The following MYO9B variants were observed in gnomAD, a reference collection of about 807,000 sequenced individuals.
The protein encoded by MYO9B is myosin IXB, also known as unconventional myosin-IXb.
A neutral mutation model predicts 229.5 loss-of-function variants in MYO9B; 71 were observed. The ratio of observed to expected loss-of-function variants is 0.31; its 90% confidence interval spans 0.26 to 0.38. MYO9B has a LOEUF of 0.38. Ranked by LOEUF, MYO9B falls within the 10% of genes least tolerant of loss-of-function variation. The pLI, the probability that MYO9B is intolerant of heterozygous loss-of-function variation, is 1.00. For synonymous variants in MYO9B, 1,185 were observed against 1,235.8 expected (o/e 0.96, Z 0.86); for missense variants, 2,255 against 2,920.5 (o/e 0.77, Z 5.25).
chr19:17,145,663 T>C (rs1486990421), intron 3 of MYO9B, among the ~76,000 whole-genome samples, 172 bp downstream of exon 3: 7 of 151,980 alleles, frequency 4.6e-5, no homozygotes, highest in Admixed American at 4.6e-4. Context: ...GAACAGTAGG[T>C]TGAAGTAGGA....
At chr19:17,090,118 CTTTTTTTTTTTTTTTTTTTTTTTTTTT>C (rs59440394) in intron 1 of MYO9B, among the ~76,000 whole-genome samples, 20 of 49,234 alleles carry the variant, frequency 4.1e-4, no homozygotes, top group South Asian at 1.7e-3. Context: ...TGCTTCCTTC[CTTTTTTTTTTTTTTTTTTTTTTTTTTT>C]TTTTTTTTTT....
At chr19:17,152,794 G>A (rs2072493364) in intron 4 of MYO9B, 88 bp downstream of exon 4, 1 of 1,201,198 alleles carries the variant, frequency 8.3e-7, no homozygotes. Context: ...CAAACGTCCT[G>A]AGGTCGGAGG....
chr19:17,210,341 TCTCAAA>T lies in MYO9B; in HGVS notation c.5760_5765del (p.Lys1921_Leu1922del). On this transcript the variant is annotated inframe_deletion, in exon 37 of 40. Coordinates refer to ENST00000682292, the MANE Select transcript of MYO9B (RefSeq NM_004145.4). ...GTTCATCTCTCTCCCAGCCATGGCC[TCTCAAA>T]CTGGGGTTTTCGTCTCCCTATGAGG... The T allele has an allele frequency of 1.3e-6, 2 of 1,598,646 alleles. No homozygotes were observed. Among genetic ancestry groups the T allele is most frequent in the Non-Finnish European group, 1.7e-6 (2 of 1,172,358 alleles).
chr19:17,136,685 A>G (rs1363464387), intron 2 of MYO9B, among the ~76,000 whole-genome samples: 2 of 152,114 alleles, frequency 1.3e-5, no homozygotes, highest in African/African-American at 4.8e-5. Context: ...TTCACCCTCA[A>G]AAAGTCCCAT....
In MYO9B at chr19:17,103,176, A is replaced by G. The variant is rs558292739; in HGVS notation, c.840+619A>G. On this transcript the variant is annotated intron_variant, in intron 2 of 39. Transcript: ENST00000682292. ...GTTGGAGCTATGATTGCACTACTGC[A>G]CTCCAGCCTGGGCAACAGAGACAGA... The G allele has an allele frequency of 2.6e-5, 4 of 152,336 alleles. No homozygotes were observed. In the East Asian group the frequency reaches 7.7e-4, roughly 29 times the overall value. The allele number at this position is 152,336 out of a possible 1,614,324, so 9.4% of individuals were successfully genotyped here.
intron 1 of MYO9B, among the ~76,000 whole-genome samples, chr19:17,096,689 TGTTGTTGTTGTTGTTGG>T (rs2057692979): frequency 8.8e-6 from 1 of 113,566 alleles, no homozygotes; most frequent in South Asian, 3.5e-4. Flanking sequence ...TTGTTGTTGT[TGTTGTTGTTGTTGTTGG>T]TTTTTTTTTT....
At chr19:17,185,362 A>G (rs1390205434) in intron 17 of MYO9B, among the ~76,000 whole-genome samples, 1 of 148,768 alleles carries the variant, frequency 6.7e-6, no homozygotes. Flanking sequence ...CGACAGAGCA[A>G]GACTCCATCT....
intron 2 of MYO9B, among the ~76,000 whole-genome samples, chr19:17,111,396 A>G (rs2057846826): frequency 6.6e-6 from 1 of 152,230 alleles, no homozygotes; most frequent in Non-Finnish European, 1.5e-5. Flanking sequence ...GATACCTTAT[A>G]TTTATATCTA....
At chr19:17,200,555 C>A in intron 25 of MYO9B, 84 bp from the exon 26 acceptor site, 1 of 1,511,092 alleles carries the variant, frequency 6.6e-7, no homozygotes, top group Non-Finnish European at 8.9e-7. Flanking sequence ...GGGTTTCTGG[C>A]CCTGGATAAA....
chr19:17,188,126 G>C, intron 19 of MYO9B, 81 bp downstream of exon 19: 1 of 1,321,290 alleles, frequency 7.6e-7, no homozygotes, highest in South Asian at 1.3e-5. Flanking sequence ...GCTCCTTGCT[G>C]GAGTGTAAAC....
At position 17,195,066 on chromosome 19, in the gene MYO9B, A is replaced by C. The variant is rs1431695222; in HGVS notation, c.3639A>C (p.Thr1213=). 2 of 1,613,028 alleles carry C rather than the reference A, an allele frequency of 1.2e-6. No individual in the cohort carries two copies. Among genetic ancestry groups the C allele is most frequent in the Admixed American group, 3.3e-5 (2 of 60,012 alleles). The change falls in exon 22 of 40, where the codon ACA becomes ACC. Residue 1213 remains threonine, a synonymous_variant. Transcript: ENST00000682292. The surrounding 1 kb of genome is among the most constrained non-coding windows in gnomAD (Gnocchi z 4.5). ...LLVVETEAEN[T]SQKQPTEQPQ... is the part of the protein sequence containing the mutation. ...TCGTAGAGACGGAGGCTGAGAACAC[A>C]TCTCAAAAGCAGCCCACAGAGCAAC... is the stretch of plus-strand genomic sequence containing the variant.
At chr19:17,124,739 AACAGAGTGAG>A (rs758401026) in intron 2 of MYO9B, among the ~76,000 whole-genome samples, 6 of 150,128 alleles carry the variant, frequency 4.0e-5, no homozygotes, top group Non-Finnish European at 8.9e-5. Context: ...CAGCCTGGGC[AACAGAGTGAG>A]ACTCTGTCTC....
chr19:17,120,655 A>C, intron 2 of MYO9B, among the ~76,000 whole-genome samples: 1 of 151,716 alleles, frequency 6.6e-6, no homozygotes, highest in East Asian at 1.9e-4. Context: ...AAAAAAAAAA[A>C]AAAAAAAGAT....
chr19:17,077,950 CA>C (rs745342976), intron 1 of MYO9B, among the ~76,000 whole-genome samples: 16 of 152,210 alleles, frequency 1.1e-4, no homozygotes, highest in Non-Finnish European at 1.5e-4. Flanking sequence ...AATCCCGAGG[CA>C]GTACCGTCCC....
intron 2 of MYO9B, among the ~76,000 whole-genome samples, chr19:17,125,574 G>A (rs1599348534): frequency 6.6e-6 from 1 of 152,242 alleles, no homozygotes; most frequent in Admixed American, 6.5e-5. Context: ...TGAGACTTTA[G>A]CTCATGGTAG....
At chr19:17,083,055 G>C (rs1215938423) in intron 1 of MYO9B, among the ~76,000 whole-genome samples, 7 of 111,930 alleles carry the variant, frequency 6.3e-5, no homozygotes, top group African/African-American at 2.5e-4. Context: ...TTTTGAGACA[G>C]GGTCTCACTC....
rs762895924 is a variant in MYO9B, at chr19:17,163,033, G to A, written c.1582G>A (p.Glu528Lys). 22 of 1,606,348 alleles carry A rather than the reference G, an allele frequency of 1.4e-5. No individual in the cohort carries two copies. Among genetic ancestry groups the A allele is most frequent in the South Asian group, 4.5e-5 (4 of 89,398 alleles). ...VLDIFGFEDF[E>K]RNSFEQFCIN... ...GGACATCTTCGGGTTTGAAGACTTC[G>A]AGAGGAACAGCTTTGAGCAGTTCTG... Residue 528 changes from glutamate (E) to lysine (K), a missense_variant, in exon 10 of 40, where the codon GAG becomes AAG. Around this residue, in one of 7 missense-constraint regions of MYO9B, gnomAD observed 220 missense variants for 404.5 expected, o/e 0.54. Transcript: ENST00000682292.
At chr19:17,161,177 C>T (rs942721425) in intron 8 of MYO9B, among the ~76,000 whole-genome samples, 1 of 152,160 alleles carries the variant, frequency 6.6e-6, no homozygotes, top group Non-Finnish European at 1.5e-5. Context: ...TAGTTAGACC[C>T]TCCTTGCTGG....
chr19:17,211,531 G>T (rs765909069), intron 38 of MYO9B, 116 bp from the exon 39 acceptor site: 63 of 942,820 alleles, frequency 6.7e-5, no homozygotes, highest in Middle Eastern at 2.9e-4. Context: ...TGCTTGGGGT[G>T]GGGGGAGGTT....
Sources: allele counts gnomAD v4.1 joint callset (sites outside exome capture counted in the v4.1 genomes callset), GRCh38; gene constraint gnomAD v4.1.1; regional missense constraint gnomAD v4.1.1; non-coding constraint Gnocchi (gnomAD v3.1); transcripts MANE v1.5; gene names NCBI Gene and HGNC (gene_info 2026-07-23, HGNC 2026-07-21).